MUC3A: variants seen among roughly 807,000 people sequenced by gnomAD.
The protein encoded by MUC3A is mucin 3A, cell surface associated.
In MUC3A, 109 loss-of-function variants were observed where a neutral mutation model predicts 109.0. The observed-to-expected ratio is 1.00, with a 90% CI of 0.86 to 1.17. The LOEUF (loss-of-function observed/expected upper bound fraction) is 1.17, where lower values mean the gene tolerates loss of function less well. MUC3A is among the 50% of genes most tolerant of loss of function. The pLI is 0.00. For synonymous variants in MUC3A, 1,398 were observed against 981.4 expected (o/e 1.42, Z -7.93); for missense variants, 3,537 against 2,469.4 (o/e 1.43, Z -9.16).
At chr7:100,965,144 C>G in intron 6 of MUC3A, 138 bp from the exon 7 acceptor site, 1 of 1,217,862 alleles carries the variant, frequency 8.2e-7, no homozygotes, top group Non-Finnish European at 1.1e-6. Context: ...GTGGCTCTCT[C>G]CGTCTGGGAG....
Position 100,957,940 on chromosome 7 carries a change from A to G in MUC3A, c.6161A>G (p.His2054Arg). The G allele has an allele frequency of 1.5e-6, 1 of 688,372 alleles. No individual in the cohort carries two copies. Among genetic ancestry groups the G allele is most frequent in the South Asian group, 1.6e-5 (1 of 64,032 alleles). The allele number at this position is 688,372 out of a possible 1,614,324, so 42.6% of individuals were successfully genotyped here. A position where few individuals can be genotyped will look rare whatever the true frequency, so the allele number is the denominator to read the frequency against. The change falls in exon 2 of 12, where the codon CAC becomes CGC. Residue 2054 changes from histidine (H) to arginine (R), a missense_variant. Transcript: ENST00000379458. Reference protein sequence around the residue: ...TSSITTETTSHSTPSFTSLIT... With the variant: ...TSSITTETTSRSTPSFTSLIT... ...TCGATCACCACCGAGACCACATCCC[A>G]CAGTACTCCCAGCTTCACTTCATTG... is the stretch of plus-strand genomic sequence containing the variant.
At chr7:100,963,073 T>C in intron 3 of MUC3A, 78 bp from the exon 4 acceptor site, 1 of 1,487,706 alleles carries the variant, frequency 6.7e-7, no homozygotes, top group Non-Finnish European at 9.1e-7. Context: ...GAGGAGCCTG[T>C]GGGTTGGGGT....
At chr7:100,964,556 A>G in intron 5 of MUC3A, 139 bp from the exon 6 acceptor site, 2 of 1,365,628 alleles carry the variant, frequency 1.5e-6, no homozygotes, top group Non-Finnish European at 1.9e-6. Flanking sequence ...CCCTTCTGAA[A>G]AGGATGCACG....
At position 100,966,917 on chromosome 7, in the gene MUC3A, A is replaced by G. The variant is rs781189113; in HGVS notation, c.9896A>G (p.Tyr3299Cys). 17 of 1,598,408 alleles carry G rather than the reference A, an allele frequency of 1.1e-5. No homozygotes were observed. The highest frequency in any genetic ancestry group is 1.7e-5 in the Admixed American group (1 of 60,012). The change falls in exon 11 of 12, where the codon TAT (tyrosine) becomes TGT (cysteine). Residue 3299 changes from tyrosine to cysteine, a missense_variant. Coordinates refer to ENST00000379458, the MANE Select transcript of MUC3A (RefSeq NM_005960.2). ...DDGTDKDTNFYVALENVDTTM... is the reference protein window; with the variant it reads ...DDGTDKDTNFCVALENVDTTM... ...TCTCTAGACAAGGATACAAATTTCTATGTGGCCTTGGAGAACGTGGACACC... is the reference window on the plus strand; with the variant it reads ...TCTCTAGACAAGGATACAAATTTCTGTGTGGCCTTGGAGAACGTGGACACC...
Position 100,958,654 on chromosome 7 carries a change from C to G in MUC3A, c.6875C>G (p.Ser2292Cys). ...TPSHSTPSST[S>C]LITTTKTTSH... ...TCACACAGTACTCCCAGCTCCACTTCTTTAATCACCACCACCAAGACCACC... is the reference window on the plus strand; with the variant it reads ...TCACACAGTACTCCCAGCTCCACTTGTTTAATCACCACCACCAAGACCACC... Residue 2292 changes from serine (S) to cysteine (C), a missense_variant, in exon 2 of 12, where the codon TCT becomes TGT. Coordinates refer to ENST00000379458, the MANE Select transcript of MUC3A (RefSeq NM_005960.2). 10 of 1,317,632 alleles carry G rather than the reference C, an allele frequency of 7.6e-6. No homozygotes were observed. Among genetic ancestry groups the G allele is most frequent in the Admixed American group, 5.8e-5 (2 of 34,680 alleles). The allele number at this position is 1,317,632 out of a possible 1,614,324, so 81.6% of individuals were successfully genotyped here. A position where few individuals can be genotyped will look rare whatever the true frequency, so the allele number is the denominator to read the frequency against.
chr7:100,963,869 TACATAA>T, intron 5 of MUC3A, 117 bp downstream of exon 5: 5 of 1,439,622 alleles, frequency 3.5e-6, no homozygotes, highest in Non-Finnish European at 4.7e-6. Context: ...GTGGAGGGGG[TACATAA>T]GGAATCACTC....
At chr7:100,964,888 C>T (rs1433603687) in intron 6 of MUC3A, 45 bp downstream of exon 6, 1 of 1,551,868 alleles carries the variant, frequency 6.4e-7, no homozygotes, top group African/African-American at 1.3e-5. Flanking sequence ...AGGTGTCACC[C>T]CAGCCCACTC....
Position 100,967,386 on chromosome 7 carries a change from G to T in MUC3A, c.*224G>T, listed in dbSNP as rs1264126108. On this transcript the variant is annotated 3_prime_UTR_variant, in exon 12 of 12. Coordinates refer to ENST00000379458, the MANE Select transcript of MUC3A (RefSeq NM_005960.2). Reference sequence around the variant, plus strand: ...CAGGCTCTTCCACTGTGGAATCTTGGGCAAGTCAGTAACGAGCCTCAGTTT... The same window carrying T: ...CAGGCTCTTCCACTGTGGAATCTTGTGCAAGTCAGTAACGAGCCTCAGTTT... 17 of 685,306 alleles carry T rather than the reference G, an allele frequency of 2.5e-5. No individual in the cohort carries two copies. Among genetic ancestry groups the T allele is most frequent in the Non-Finnish European group, 3.9e-5 (16 of 414,640 alleles). 42.5% of individuals were successfully genotyped at this position (685,306 alleles called of 1,614,324 possible).
Position 100,967,330 on chromosome 7 carries a change from C to A in MUC3A, c.*168C>A. ...TCCCATCCTTCTCCTTCCAACTTGGCTGAAACCCACCTGGAGACGCAGTTC... is the reference window on the plus strand; with the variant it reads ...TCCCATCCTTCTCCTTCCAACTTGGATGAAACCCACCTGGAGACGCAGTTC... On this transcript the variant is annotated 3_prime_UTR_variant, in exon 12 of 12. Coordinates refer to ENST00000379458, the MANE Select transcript of MUC3A (RefSeq NM_005960.2). 1 of 1,122,074 alleles carries A rather than the reference C, an allele frequency of 8.9e-7. No homozygotes were observed. The highest frequency in any genetic ancestry group is 1.3e-6 in the Non-Finnish European group (1 of 795,948). 69.5% of individuals were successfully genotyped at this position (1,122,074 alleles called of 1,614,324 possible). A position where few individuals can be genotyped will look rare whatever the true frequency, so the allele number is the denominator to read the frequency against.
intron 6 of MUC3A, chr7:100,965,067 T>G: frequency 1.8e-6 from 2 of 1,123,260 alleles, no homozygotes; most frequent in Non-Finnish European, 2.5e-6. Context: ...ATGGTCAGCA[T>G]TTCCCGGATG....
chr7:100,966,842 T>A, intron 10 of MUC3A, 57 bp from the exon 11 acceptor site: 1 of 1,598,380 alleles, frequency 6.3e-7, no homozygotes, highest in Admixed American at 1.7e-5. Context: ...TCCGTCCCCC[T>A]CTCCCTTCCG....
At chr7:100,965,228 AC>A in intron 6 of MUC3A, 53 bp from the exon 7 acceptor site, 1 of 1,536,808 alleles carries the variant, frequency 6.5e-7, no homozygotes, top group Non-Finnish European at 8.7e-7. Flanking sequence ...TAACCCCTTG[AC>A]CTTAACCCCT....
intron 7 of MUC3A, 94 bp downstream of exon 7, chr7:100,965,441 C>CG: frequency 6.5e-7 from 1 of 1,537,798 alleles, no homozygotes. Flanking sequence ...CAGGGAGAGA[C>CG]CTTTGGGGGA....
chr7:100,961,285 G>C (rs1253083556), intron 3 of MUC3A, among the ~76,000 whole-genome samples: 1 of 152,312 alleles, frequency 6.6e-6, no homozygotes, highest in African/African-American at 2.4e-5. Context: ...TGATGTGGGT[G>C]TCACTGGGCT....
At position 100,966,435 on chromosome 7, in the gene MUC3A, G is replaced by T; in HGVS notation, c.9661G>T (p.Ala3221Ser). Reference protein sequence around the residue: ...HWFSGPRCEVAVHWRALVGGL... With the variant: ...HWFSGPRCEVSVHWRALVGGL... ...GTTCTCTGGCCCGCGCTGCGAGGTG[G>T]CCGTCCACTGGAGGGCGCTGGTCGG... is the stretch of plus-strand genomic sequence containing the variant. The change falls in exon 9 of 12, where the codon GCC becomes TCC. Residue 3221 changes from alanine (A) to serine (S), a missense_variant. Ala to Ser is a moderately conservative substitution (Grantham distance 99, BLOSUM62 1). Transcript: ENST00000379458. 1 of 1,348,842 alleles carries T rather than the reference G, an allele frequency of 7.4e-7. No individual in the cohort carries two copies. The allele number at this position is 1,348,842 out of a possible 1,614,324, so 83.6% of individuals were successfully genotyped here.
Position 100,955,453 on chromosome 7 carries a change from C to T in MUC3A, c.3674C>T (p.Thr1225Ile). The change falls in exon 2 of 12, where the codon ACT becomes ATT. Residue 1225 changes from threonine to isoleucine, a missense_variant. Thr to Ile is a moderately conservative substitution (Grantham distance 89). Coordinates refer to ENST00000379458, the MANE Select transcript of MUC3A (RefSeq NM_005960.2). ...GCAACAGACCTCACATCAACATTCA[C>T]TGTTTCCAGTTCCTCAGCAATGTCC... Reference protein sequence around the residue: ...TTATDLTSTFTVSSSSAMSTS... With the variant: ...TTATDLTSTFIVSSSSAMSTS... 5.1e-6 allele frequency: 3 copies of T among 584,262 alleles called. No individual in the cohort carries two copies. Among genetic ancestry groups the T allele is most frequent in the Non-Finnish European group, 9.0e-6 (3 of 332,124 alleles). 36.2% of individuals were successfully genotyped at this position (584,262 alleles called of 1,614,324 possible). A position where few individuals can be genotyped will look rare whatever the true frequency, so the allele number is the denominator to read the frequency against.
Position 100,958,166 on chromosome 7 carries a change from T to G in MUC3A, c.6387T>G (p.Ser2129=). 1 of 1,149,502 alleles carries G rather than the reference T, an allele frequency of 8.7e-7. No homozygotes were observed. Among genetic ancestry groups the G allele is most frequent in the Non-Finnish European group, 1.2e-6 (1 of 803,346 alleles). 71.2% of individuals were successfully genotyped at this position (1,149,502 alleles called of 1,614,324 possible). Residue 2129 remains serine, a synonymous_variant, in exon 2 of 12, where the codon TCT becomes TCG. Transcript: ENST00000379458. ...CACACAGTACTCCCAGCTTCACTTC[T>G]TCGATCACCACCACTGAGAACGCCA... is the stretch of plus-strand genomic sequence containing the variant. ...MPSHSTPSFT[S]SITTTENATH... is the part of the protein sequence containing the mutation.
rs1387043610 is a variant in MUC3A, at chr7:100,962,032, A to T, written c.9052+1095A>T. Among the ~76,000 whole-genome samples, 4 of 45,386 alleles carry T rather than the reference A, an allele frequency of 8.8e-5. 1 individual carries two copies. The highest frequency in any genetic ancestry group is 2.4e-4 in the Non-Finnish European group (4 of 16,804). The allele number at this position is 45,386 out of a possible 152,430, so 29.8% of individuals were successfully genotyped here. ...CGGATCACGAGGTCAGGAGATCGAG[A>T]CCATCCCAGCTAAAACGGTGAAACC... On this transcript the variant is annotated intron_variant, in intron 3 of 11. Transcript: ENST00000379458.
Position 100,959,800 on chromosome 7 carries a change from T to C in MUC3A, c.8021T>C (p.Leu2674Ser), listed in dbSNP as rs1162767708. The C allele has an allele frequency of 1.3e-6, 2 of 1,593,132 alleles. No homozygotes were observed. The highest frequency in any genetic ancestry group is 1.7e-6 in the Non-Finnish European group (2 of 1,177,052). The change falls in exon 2 of 12, where the codon TTG (leucine) becomes TCG (serine). Residue 2674 changes from leucine to serine, a missense_variant. Physicochemically the swap from Leu to Ser is moderately radical, Grantham distance 145 (BLOSUM62 -2). Coordinates refer to ENST00000379458, the MANE Select transcript of MUC3A (RefSeq NM_005960.2). ...TRGSTSTNAILTSFSTIIWSS... is the reference protein window; with the variant it reads ...TRGSTSTNAISTSFSTIIWSS... ...GGAAGTACGTCTACAAATGCAATCT[T>C]GACTTCTTTTAGTACCATCATCTGG...
Sources: gnomAD v4.1 joint callset for allele counts (sites outside exome capture counted in the v4.1 genomes callset) on GRCh38, gnomAD v4.1.1 for gene constraint, MANE v1.5 for transcripts, NCBI Gene and HGNC (gene_info 2026-07-23, HGNC 2026-07-21) for gene names.